Variants in GSR observed in about 807,000 individuals in gnomAD.
The protein encoded by GSR is glutathione reductase, mitochondrial.
Under a neutral mutation model 56.5 loss-of-function variants are expected in GSR, and 48 were observed. The ratio of observed to expected loss-of-function variants is 0.85; its 90% confidence interval spans 0.67 to 1.08. The LOEUF (loss-of-function observed/expected upper bound fraction) is 1.08, where lower values mean the gene tolerates loss of function less well. Among genes scored for constraint, GSR ranks in the 50% least tolerant of loss-of-function variants. GSR has a pLI of 0.00. For synonymous variants in GSR, 264 were observed against 270.8 expected, an observed-to-expected ratio of 0.97 and a Z score of 0.25; for missense variants, 694 against 703.3, an observed-to-expected ratio of 0.99 and a Z score of 0.15.
intron 3 of GSR, among the ~76,000 whole-genome samples, chr8:30,708,951 T>G (rs1389446027): frequency 8.6e-6 from 1 of 116,460 alleles, no homozygotes; most frequent in Non-Finnish European, 1.7e-5. Context: ...AGAGTGAGAC[T>G]CCGTCTCAAA....
At chr8:30,707,389 A>C (rs1469006592) in intron 4 of GSR, among the ~76,000 whole-genome samples, 1 of 152,088 alleles carries the variant, frequency 6.6e-6, no homozygotes, top group Non-Finnish European at 1.5e-5. Flanking sequence ...AATAATAGAA[A>C]AAGTAAGAGG....
chr8:30,720,024 A>G (rs1026640761), intron 1 of GSR, among the ~76,000 whole-genome samples: 2 of 152,062 alleles, frequency 1.3e-5, no homozygotes, highest in Non-Finnish European at 2.9e-5. Flanking sequence ...GGCCTGAGAA[A>G]CATAGTAAGG....
At chr8:30,692,301 T>C (rs918827301) in intron 8 of GSR, among the ~76,000 whole-genome samples, 1 of 140,614 alleles carries the variant, frequency 7.1e-6, no homozygotes, top group Non-Finnish European at 1.5e-5. Context: ...ACCTCCTGAG[T>C]TCAAGTGATG....
At chr8:30,689,015 T>G in intron 9 of GSR, 146 bp downstream of exon 9, 1 of 693,564 alleles carries the variant, frequency 1.4e-6, no homozygotes, top group South Asian at 1.7e-5. Context: ...GAAGAAGCAA[T>G]GAAATTTGAT....
chr8:30,727,472 C>A (rs773861628), intron 1 of GSR, 58 bp downstream of exon 1: 187 of 1,449,072 alleles, frequency 1.3e-4, no homozygotes, highest in Non-Finnish European at 1.7e-4. Context: ...CACAGGCTGT[C>A]CCCCGAAAGA....
chr8:30,705,257 C>T (rs1202059836), intron 4 of GSR, among the ~76,000 whole-genome samples: 1 of 59,148 alleles, frequency 1.7e-5, no homozygotes, highest in African/African-American at 6.5e-5. Context: ...AAGACCTCAT[C>T]TCTACAAAAA....
chr8:30,707,302 C>T (rs966400869), intron 4 of GSR, among the ~76,000 whole-genome samples: 1 of 152,238 alleles, frequency 6.6e-6, no homozygotes, highest in Non-Finnish European at 1.5e-5. Flanking sequence ...TCTGCCAGCT[C>T]TGGCACATGC....
At chr8:30,708,784 G>A (rs570979431) in intron 3 of GSR, among the ~76,000 whole-genome samples, 4 of 151,388 alleles carry the variant, frequency 2.6e-5, no homozygotes, top group South Asian at 2.1e-4. Flanking sequence ...GTGAAATCCC[G>A]TCTCTACTAA....
intron 4 of GSR, among the ~76,000 whole-genome samples, chr8:30,707,623 G>C (rs1051157759): frequency 6.6e-6 from 1 of 152,118 alleles, no homozygotes; most frequent in Admixed American, 6.6e-5. Context: ...TTGCACCACC[G>C]TACTCCAGCC....
intron 3 of GSR, among the ~76,000 whole-genome samples, chr8:30,709,426 A>G (rs960401754): frequency 1.3e-5 from 2 of 152,194 alleles, no homozygotes; most frequent in African/African-American, 4.8e-5. Context: ...AACCGTGAAA[A>G]CAAAATACAC....
chr8:30,692,973 G>A lies in GSR; in HGVS notation c.878C>T (p.Ser293Phe), dbSNP rs762024253. ...TGCCTGGGCTTGGCACTGTACCTGG[G>A]AGAACTTCAGCACCTCCACGCCAGC... is the stretch of plus-strand genomic sequence containing the variant. ...ENAGVEVLKFSQVKEVKKTLS... is the reference protein window; with the variant it reads ...ENAGVEVLKFFQVKEVKKTLS... Residue 293 changes from serine to phenylalanine, a missense_variant, in exon 8 of 13, where the codon TCC becomes TTC. Coordinates refer to ENST00000221130, the MANE Select transcript of GSR (RefSeq NM_000637.5). The A allele has an allele frequency of 2.5e-6, 4 of 1,604,986 alleles. No homozygotes were observed. Among genetic ancestry groups the A allele is most frequent in the Middle Eastern group, 1.7e-4 (1 of 6,048 alleles).
intron 9 of GSR, among the ~76,000 whole-genome samples, chr8:30,684,873 C>T (rs911102912): frequency 2.6e-5 from 4 of 152,078 alleles, no homozygotes; most frequent in Non-Finnish European, 4.4e-5. Flanking sequence ...CTTAGCCTCC[C>T]GAGTAGCTAG....
intron 1 of GSR, among the ~76,000 whole-genome samples, chr8:30,717,725 G>A (rs941475835): frequency 3.9e-5 from 6 of 152,086 alleles, no homozygotes; most frequent in Admixed American, 2.6e-4. Flanking sequence ...TCAGGGCTCC[G>A]TCGGAGTCTA....
At position 30,689,293 on chromosome 8, in the gene GSR, C is replaced by G; in HGVS notation, c.909G>C (p.Ser303=). The part of the protein sequence containing the change: ...SQVKEVKKTL[S]GLEVSMVTAV... ...CAGTAACCATGCTGACTTCCAAGCC[C>G]GACAAAGTCTTTTTAACCTCCTTGA... Residue 303 remains serine, a synonymous_variant, in exon 9 of 13, where the codon TCG becomes TCC. Transcript: ENST00000221130. 1 of 1,614,024 alleles carries G rather than the reference C, an allele frequency of 6.2e-7. No individual in the cohort carries two copies. The highest frequency in any genetic ancestry group is 8.5e-7 in the Non-Finnish European group (1 of 1,179,940).
At position 30,712,072 on chromosome 8, in the gene GSR, A is replaced by T. The variant is rs1294756643; in HGVS notation, c.323T>A (p.Val108Glu). Residue 108 changes from valine (V) to glutamate (E), a missense_variant, in exon 2 of 13, where the codon GTA becomes GAA. Transcript: ENST00000221130. ...LGGTCVNVGCVPKKVMWNTAV... is the reference protein window; with the variant it reads ...LGGTCVNVGCEPKKVMWNTAV... ...AAATAAAAATTCTACCTTTTTGGGT[A>T]CACATCCAACATTCACCTGGAAAAA... 1 of 1,440,958 alleles carries T rather than the reference A, an allele frequency of 6.9e-7. No individual in the cohort carries two copies. The highest frequency in any genetic ancestry group is 9.7e-7 in the Non-Finnish European group (1 of 1,028,052). 89.3% of individuals were successfully genotyped at this position (1,440,958 alleles called of 1,614,324 possible).
At chr8:30,708,865 A>AATG (rs1804010348) in intron 3 of GSR, among the ~76,000 whole-genome samples, 1 of 148,414 alleles carries the variant, frequency 6.7e-6, no homozygotes, top group African/African-American at 2.5e-5. Flanking sequence ...AGGCTGAGGC[A>AATG]GGAGAATGGC....
At chr8:30,706,352 A>C (rs1803919242) in intron 4 of GSR, among the ~76,000 whole-genome samples, 1 of 151,760 alleles carries the variant, frequency 6.6e-6, no homozygotes, top group Non-Finnish European at 1.5e-5. Flanking sequence ...ATACAAAAAA[A>C]ATTAGGCAGG....
intron 7 of GSR, among the ~76,000 whole-genome samples, chr8:30,695,522 A>C (rs535934975): frequency 6.6e-6 from 1 of 152,254 alleles, no homozygotes; most frequent in East Asian, 1.9e-4. Flanking sequence ...GGCGTGAGCC[A>C]CTGTGCCCAG....
intron 5 of GSR, among the ~76,000 whole-genome samples, chr8:30,702,034 T>A (rs955728491): frequency 6.6e-6 from 1 of 151,366 alleles, no homozygotes; most frequent in African/African-American, 2.4e-5. Flanking sequence ...AGACCCTGTC[T>A]CAAAAAAATA....
Sources: gnomAD v4.1 joint callset for allele counts (sites outside exome capture counted in the v4.1 genomes callset) on GRCh38, gnomAD v4.1.1 for gene constraint, MANE v1.5 for transcripts, NCBI Gene and HGNC (gene_info 2026-07-23, HGNC 2026-07-21) for gene names.